The following CALD1 variants were observed in gnomAD, a reference collection of about 807,000 sequenced individuals.
CALD1 encodes caldesmon.
CALD1 carries 33 observed loss-of-function variants against 99.9 expected under a neutral mutation model. The observed-to-expected ratio is 0.33, with a 90% CI of 0.25 to 0.44. CALD1 has a LOEUF of 0.44. Among genes scored for constraint, CALD1 ranks in the 20% least tolerant of loss-of-function variants. CALD1 has a pLI of 1.00. For synonymous variants in CALD1, 310 were observed against 325.0 expected, an observed-to-expected ratio of 0.95 and a Z score of 0.50; for missense variants, 861 against 962.1, an observed-to-expected ratio of 0.89 and a Z score of 1.39.
intron 1 of CALD1, among the ~76,000 whole-genome samples, chr7:134,744,782 C>G (rs1265767141): frequency 6.6e-6 from 1 of 152,034 alleles, no homozygotes. Flanking sequence ...CCTTGAAGAG[C>G]CTTGGAAGGC....
At chr7:134,796,347 TA>T (rs1353521791) in intron 1 of CALD1, among the ~76,000 whole-genome samples, 1 of 152,214 alleles carries the variant, frequency 6.6e-6, no homozygotes, top group African/African-American at 2.4e-5. Flanking sequence ...AAAAGGATGT[TA>T]GGCAGTAAAG....
chr7:134,712,107 G>C, the CALD1 span, among the ~76,000 whole-genome samples: 150,132 of 150,132 alleles, frequency 1, 75,066 homozygotes, highest in Non-Finnish European at 1. Flanking sequence ...ATTCCCAAGA[G>C]AGGCTTGAGG....
At chr7:134,723,637 G>A in the CALD1 span, among the ~76,000 whole-genome samples, 1 of 148,814 alleles carries the variant, frequency 6.7e-6, no homozygotes. Flanking sequence ...TCAAGTGGGG[G>A]TGATTTTGTC....
intron 11 of CALD1, 36 bp downstream of exon 11, chr7:134,958,326 C>G: frequency 6.7e-7 from 1 of 1,496,448 alleles, no homozygotes; most frequent in South Asian, 1.1e-5. Context: ...TCCTGCTGAA[C>G]AGAAATAGAT....
At chr7:134,827,661 T>C (rs891148087) in intron 1 of CALD1, among the ~76,000 whole-genome samples, 1 of 152,184 alleles carries the variant, frequency 6.6e-6, no homozygotes, top group Non-Finnish European at 1.5e-5. Flanking sequence ...CCATATCACA[T>C]CACATGATAT....
At chr7:134,761,952 C>A (rs1275907665) in intron 1 of CALD1, among the ~76,000 whole-genome samples, 1 of 152,080 alleles carries the variant, frequency 6.6e-6, no homozygotes, top group African/African-American at 2.4e-5. Flanking sequence ...GACCTGGGAA[C>A]CCCCAGTTTG....
At chr7:134,742,282 T>C (rs565136168), upstream of CALD1, among the ~76,000 whole-genome samples, 12 of 152,198 alleles carry the variant, frequency 7.9e-5, no homozygotes, top group Non-Finnish European at 1.6e-4. Flanking sequence ...GTGACATTCA[T>C]GCAAAAGAAG....
intron 14 of CALD1, among the ~76,000 whole-genome samples, chr7:134,966,336 A>C (rs1808679517): frequency 1.3e-5 from 2 of 152,190 alleles, no homozygotes; most frequent in African/African-American, 4.8e-5. Flanking sequence ...CTTCACTATT[A>C]GCTACGTATT....
At chr7:134,864,347 C>CAAAA (rs71172479) in intron 2 of CALD1, among the ~76,000 whole-genome samples, 4 of 126,890 alleles carry the variant, frequency 3.2e-5, no homozygotes, top group Non-Finnish European at 6.4e-5. Context: ...AACTCCATCT[C>CAAAA]AAAAAAAAAA....
intron 1 of CALD1, among the ~76,000 whole-genome samples, chr7:134,807,687 G>C (rs894184276): frequency 6.6e-6 from 1 of 152,178 alleles, no homozygotes; most frequent in African/African-American, 2.4e-5. Context: ...GTCTGGAGTG[G>C]AGCGATCTCA....
In CALD1 at chr7:134,929,762, G is replaced by A. The variant is rs190458278; in HGVS notation, c.218+862G>A. Among the ~76,000 whole-genome samples the A allele has an allele frequency of 1.6e-3, 226 of 144,564 alleles. 2 individuals are homozygous for A. Among genetic ancestry groups the A allele is most frequent in the African/African-American group, 5.2e-3 (203 of 39,102 alleles). 94.8% of individuals were successfully genotyped at this position (144,564 alleles called of 152,430 possible). A position where few individuals can be genotyped will look rare whatever the true frequency, so the allele number is the denominator to read the frequency against. ...GCAAATTGTGCTTCTATAAACATGCGTGTACCAGTATATTTTGCATATAAT... is the reference window on the plus strand; with the variant it reads ...GCAAATTGTGCTTCTATAAACATGCATGTACCAGTATATTTTGCATATAAT... On this transcript the variant is annotated intron_variant, in intron 4 of 14. Transcript: ENST00000361675.
chr7:134,826,351 A>G (rs529202801), intron 1 of CALD1, among the ~76,000 whole-genome samples: 30 of 152,256 alleles, frequency 2.0e-4, no homozygotes, highest in African/African-American at 6.7e-4. Flanking sequence ...CATGTTTGAA[A>G]TATTCTCACA....
In CALD1 at chr7:134,923,509, G is replaced by A. The variant is rs139559520; in HGVS notation, c.72-5245G>A. Among the ~76,000 whole-genome samples, 792 of 152,326 alleles carry A rather than the reference G, an allele frequency of 5.2e-3. 6 individuals are homozygous for A. The highest frequency in any genetic ancestry group is 0.02 in the Middle Eastern group (6 of 294). On this transcript the variant is annotated intron_variant, in intron 3 of 14. Coordinates refer to ENST00000361675, the MANE Select transcript of CALD1 (RefSeq NM_033138.4). Reference sequence around the variant, plus strand: ...TTGTTCTGTAGCATATGGCAAACAGGTTAATACTGGCATCTGCTGAATTTT... The same window carrying A: ...TTGTTCTGTAGCATATGGCAAACAGATTAATACTGGCATCTGCTGAATTTT...
At chr7:134,808,403 GC>G (rs921167852) in intron 1 of CALD1, among the ~76,000 whole-genome samples, 2 of 152,014 alleles carry the variant, frequency 1.3e-5, no homozygotes, top group Non-Finnish European at 2.9e-5. Context: ...CCACCACCTG[GC>G]CCCCATTCTA....
At chr7:134,826,272 T>C (rs1302053677) in intron 1 of CALD1, among the ~76,000 whole-genome samples, 1 of 152,208 alleles carries the variant, frequency 6.6e-6, no homozygotes, top group Non-Finnish European at 1.5e-5. Context: ...TTGAATGTAC[T>C]CACCCACGAG....
At chr7:134,908,760 C>G (rs4472440) in intron 3 of CALD1, among the ~76,000 whole-genome samples, 40,499 of 151,940 alleles carry the variant, frequency 0.27, 6,555 homozygotes, top group East Asian at 0.43. Flanking sequence ...CATCTGGCCC[C>G]GTAAAGGGCC....
intron 13 of CALD1, among the ~76,000 whole-genome samples, chr7:134,964,146 G>A (rs764174758): frequency 5.9e-5 from 9 of 152,160 alleles, no homozygotes; most frequent in African/African-American, 1.2e-4. Context: ...GCAGTGAGCC[G>A]AGATTGCGCC....
intron 1 of CALD1, among the ~76,000 whole-genome samples, chr7:134,814,004 G>C (rs577269700): frequency 6.6e-6 from 1 of 152,148 alleles, no homozygotes; most frequent in South Asian, 2.1e-4. Flanking sequence ...TGTTGAAATC[G>C]CTGAGAATTA....
In CALD1 at chr7:134,780,896, T is replaced by C. The variant is rs187844126; in HGVS notation, c.-130+1147T>C. On this transcript the variant is annotated intron_variant, in intron 1 of 14. Coordinates refer to ENST00000361675, the MANE Select transcript of CALD1 (RefSeq NM_033138.4). The stretch of plus-strand genomic sequence containing the variant: ...AAGCAGGGTAAATCTGATGATTTTT[T>C]AGTAGTGCTGGCTATTAAAGACTAC... Among the ~76,000 whole-genome samples the C allele has an allele frequency of 5.9e-5, 9 of 152,340 alleles. No homozygotes were observed. In the East Asian group the frequency reaches 1.7e-3, roughly 29 times the overall value.
Sources: gnomAD v4.1 joint callset for allele counts (sites outside exome capture counted in the v4.1 genomes callset) on GRCh38, gnomAD v4.1.1 for gene constraint, MANE v1.5 for transcripts, NCBI Gene and HGNC (gene_info 2026-07-23, HGNC 2026-07-21) for gene names.